The following CSMD1 variants were observed in gnomAD, a reference collection of about 807,000 sequenced individuals.
CSMD1 encodes CUB and sushi domain-containing protein 1.
Under a neutral mutation model 417.5 loss-of-function variants are expected in CSMD1, and 213 were observed. The ratio of observed to expected loss-of-function variants is 0.51; its 90% CI spans 0.46 to 0.57. CSMD1 has a LOEUF of 0.57. CSMD1 is among the 20% of genes least tolerant of loss of function. CSMD1 has a pLI of 0.00. For missense variants in CSMD1, 6,923 were observed against 4,529.7 expected (o/e 1.53, Z -15.17); for synonymous variants, 2,862 against 1,736.8 (o/e 1.65, Z -16.11).
At chr8:4,053,941 C>G (rs1323822697) in intron 3 of CSMD1, among the ~76,000 whole-genome samples, 3 of 152,140 alleles carry the variant, frequency 2.0e-5, no homozygotes, top group African/African-American at 7.2e-5. Flanking sequence ...TAACACATAT[C>G]TGTGCATTCT....
intron 41 of CSMD1, among the ~76,000 whole-genome samples, chr8:3,137,371 G>C (rs1037779886): frequency 1.3e-5 from 2 of 152,270 alleles, no homozygotes; most frequent in Admixed American, 6.5e-5. Context: ...CAGCACGGCA[G>C]AAAGTCCCTT....
chr8:3,247,893 T>C (rs1482774137), intron 26 of CSMD1, among the ~76,000 whole-genome samples: 1 of 152,220 alleles, frequency 6.6e-6, no homozygotes, highest in African/African-American at 2.4e-5. Flanking sequence ...AATCCATGCA[T>C]TTTCATAGTT....
intron 5 of CSMD1, among the ~76,000 whole-genome samples, chr8:3,918,394 T>C (rs528660316): frequency 4.6e-4 from 70 of 152,234 alleles, no homozygotes; most frequent in African/African-American, 1.6e-3. Context: ...TCTTAACAAA[T>C]ATCACGTGAT....
intron 3 of CSMD1, among the ~76,000 whole-genome samples, chr8:4,141,122 T>A (rs67459790): frequency 0.3 from 45,372 of 151,072 alleles, 8,493 homozygotes; most frequent in Non-Finnish European, 0.39. Flanking sequence ...CACTTACCTA[T>A]GTTTCCTCCA....
intron 1 of CSMD1, among the ~76,000 whole-genome samples, chr8:4,710,442 T>C (rs764066371): frequency 6.9e-6 from 1 of 145,864 alleles, no homozygotes; most frequent in African/African-American, 2.5e-5. Context: ...ATAAACTTTA[T>C]ATATTGATAT....
At chr8:3,681,147 T>C (rs374972002) in intron 7 of CSMD1, among the ~76,000 whole-genome samples, 20 of 152,222 alleles carry the variant, frequency 1.3e-4, no homozygotes, top group South Asian at 4.1e-4. Context: ...GATGCCCTCT[T>C]TCACCACTCC....
rs60129889 is a variant in CSMD1 at position 3,153,348 on chromosome 8, C to G, written c.5915-1835G>C. Among the ~76,000 whole-genome samples, 674 of 152,316 alleles carry G rather than the reference C, an allele frequency of 4.4e-3. 14 individuals are homozygous for G. In the South Asian group the frequency reaches 0.047, roughly 11 times the overall value. ...AATGGGCAACCAGCAGCCCTCGGGG[C>G]TGCTCTGTCTATGGAGTAACCATTC... On this transcript the variant is annotated intron_variant, in intron 39 of 69. Transcript: ENST00000635120.
At chr8:4,315,581 C>A (rs1180471046) in intron 3 of CSMD1, among the ~76,000 whole-genome samples, 1 of 152,060 alleles carries the variant, frequency 6.6e-6, no homozygotes, top group Non-Finnish European at 1.5e-5. Flanking sequence ...ATCTTCCATC[C>A]AGAACTTTGC....
intron 5 of CSMD1, among the ~76,000 whole-genome samples, chr8:3,849,608 T>G (rs551934721): frequency 6.6e-6 from 1 of 152,130 alleles, no homozygotes; most frequent in East Asian, 1.9e-4. Flanking sequence ...CAGTGATTCC[T>G]GGGCCTGTCT....
chr8:2,981,500 C>T lies in CSMD1; in HGVS notation c.8378-2700G>A, dbSNP rs534512779. 8.5e-5 allele frequency among the ~76,000 whole-genome samples: 13 copies of T among 152,304 alleles called. No homozygotes were observed. In the East Asian group the frequency reaches 1.4e-3, roughly 16 times the overall value. ...AAGAAATAAAGAGGCTCACTCTAGACGGCTGCACCTCATCTTAACATCTTA... is the reference window on the plus strand; with the variant it reads ...AAGAAATAAAGAGGCTCACTCTAGATGGCTGCACCTCATCTTAACATCTTA... On this transcript the variant is annotated intron_variant, in intron 54 of 69. Transcript: ENST00000635120.
intron 5 of CSMD1, among the ~76,000 whole-genome samples, chr8:3,958,347 C>G (rs768763452): frequency 1.5e-5 from 2 of 136,710 alleles, no homozygotes; most frequent in Non-Finnish European, 3.1e-5. Flanking sequence ...CCAACTTGCT[C>G]TTTGAACATT....
At chr8:3,061,320 A>T (rs1812575003) in intron 49 of CSMD1, among the ~76,000 whole-genome samples, 1 of 152,234 alleles carries the variant, frequency 6.6e-6, no homozygotes, top group Non-Finnish European at 1.5e-5. Flanking sequence ...GTCATGAGAA[A>T]TAATAATTTT....
In CSMD1 at chr8:4,157,593, T is replaced by G. The variant is rs567209655; in HGVS notation, c.416-125494A>C. On this transcript the variant is annotated intron_variant, in intron 3 of 69. Transcript: ENST00000635120. ...TATTGCTAAGACCCTCTGCCGGTCA[T>G]GTAACAAATGCAAATCTTTCACGCA... 7.9e-5 allele frequency among the ~76,000 whole-genome samples: 12 copies of G among 152,170 alleles called. 1 individual carries two copies. Among genetic ancestry groups the G allele is most frequent in the Admixed American group, 4.6e-4 (7 of 15,266 alleles).
rs574031531 is a variant in CSMD1 at position 3,811,190 on chromosome 8, C to T, written c.819-57148G>A. On this transcript the variant is annotated intron_variant, in intron 5 of 69. Coordinates refer to ENST00000635120, the MANE Select transcript of CSMD1 (RefSeq NM_033225.6). ...GTGAGATCTGAATTCTTTTTCTATT[C>T]GAATTATTTTTTAAGGGAGAAGGGC... 5.9e-5 allele frequency among the ~76,000 whole-genome samples: 9 copies of T among 152,050 alleles called. No homozygotes were observed. In the South Asian group the frequency reaches 1.7e-3, roughly 28 times the overall value.
At chr8:3,475,426 T>C (rs999640974) in intron 11 of CSMD1, among the ~76,000 whole-genome samples, 1 of 152,242 alleles carries the variant, frequency 6.6e-6, no homozygotes, top group Non-Finnish European at 1.5e-5. Flanking sequence ...TTAAATTTTA[T>C]AGGAATATTT....
At chr8:3,638,584 G>A (rs1219821282) in intron 7 of CSMD1, among the ~76,000 whole-genome samples, 2 of 152,138 alleles carry the variant, frequency 1.3e-5, no homozygotes, top group South Asian at 2.1e-4. Context: ...AGTGCAATCT[G>A]GAAAGGGTCA....
At chr8:4,135,366 AG>A (rs371415818) in intron 3 of CSMD1, among the ~76,000 whole-genome samples, 76,831 of 129,786 alleles carry the variant, frequency 0.59, 22,472 homozygotes, top group East Asian at 0.7. Context: ...GAGGGAAGGA[AG>A]GGGAAAGTGG....
At chr8:4,874,899 T>C (rs1432266450) in intron 1 of CSMD1, among the ~76,000 whole-genome samples, 1 of 150,062 alleles carries the variant, frequency 6.7e-6, no homozygotes, top group Non-Finnish European at 1.5e-5. Flanking sequence ...AGTGTATATA[T>C]AGTATATACT....
intron 1 of CSMD1, among the ~76,000 whole-genome samples, chr8:4,791,496 A>G (rs1563396185): frequency 6.6e-6 from 1 of 152,178 alleles, no homozygotes. Context: ...GCGCTCAAGG[A>G]GTAACAAACA....
Sources: gnomAD v4.1 joint callset for allele counts (sites outside exome capture counted in the v4.1 genomes callset) on GRCh38, gnomAD v4.1.1 for gene constraint, MANE v1.5 for transcripts, NCBI Gene and HGNC (gene_info 2026-07-23, HGNC 2026-07-21) for gene names.